The following DTNA variants were observed in gnomAD, a reference collection of about 807,000 sequenced individuals.
The protein encoded by DTNA is dystrophin-related protein 3.
A neutral mutation model predicts 100.7 loss-of-function variants in DTNA; 43 were observed. That is an observed-to-expected ratio of 0.43 (90% CI 0.33 to 0.55). The LOEUF (loss-of-function observed/expected upper bound fraction) is 0.55. DTNA is among the 20% of genes least tolerant of loss of function. DTNA has a pLI of 0.04. For missense variants in DTNA, 798 were observed against 953.9 expected (o/e 0.84, Z 2.15); for synonymous variants, 349 against 347.9 (o/e 1.00, Z -0.04).
chr18:34,613,185 C>A (rs1253848130), intron 1 of DTNA, among the ~76,000 whole-genome samples: 1 of 152,108 alleles, frequency 6.6e-6, no homozygotes. Flanking sequence ...TTTGGGGTGC[C>A]ATGAACTACA....
chr18:34,672,979 C>G (rs1324370001), intron 1 of DTNA, among the ~76,000 whole-genome samples: 2 of 152,162 alleles, frequency 1.3e-5, no homozygotes, highest in African/African-American at 4.8e-5. Flanking sequence ...CACACACACA[C>G]ACATACCCGC....
chr18:34,819,409 T>G (rs1459229903), intron 8 of DTNA, among the ~76,000 whole-genome samples: 1 of 152,224 alleles, frequency 6.6e-6, no homozygotes, highest in African/African-American at 2.4e-5. Flanking sequence ...ATGCAACTCC[T>G]CACTGTTGTT....
intron 1 of DTNA, among the ~76,000 whole-genome samples, chr18:34,636,108 A>G (rs1344203277): frequency 1.3e-5 from 2 of 152,234 alleles, no homozygotes; most frequent in African/African-American, 4.8e-5. Flanking sequence ...TTCATCACAC[A>G]AAATGTTAAA....
At chr18:34,527,244 TTAGAC>T (rs1450329002) in intron 1 of DTNA, among the ~76,000 whole-genome samples, 1 of 151,976 alleles carries the variant, frequency 6.6e-6, no homozygotes, top group Non-Finnish European at 1.5e-5. Context: ...GTAAAACAGA[TTAGAC>T]TAGAGCTCAA....
chr18:34,855,430 A>C (rs1043905809), intron 15 of DTNA, among the ~76,000 whole-genome samples: 1 of 152,256 alleles, frequency 6.6e-6, no homozygotes. Context: ...AAAGGAACCC[A>C]AAAAGGAGAT....
At chr18:34,532,587 T>C (rs561583034) in intron 1 of DTNA, among the ~76,000 whole-genome samples, 1 of 152,176 alleles carries the variant, frequency 6.6e-6, no homozygotes, top group Non-Finnish European at 1.5e-5. Context: ...GTTCTTATAC[T>C]CTTGTCCCTA....
intron 1 of DTNA, among the ~76,000 whole-genome samples, chr18:34,632,917 A>G (rs1027797392): frequency 2.0e-5 from 3 of 152,168 alleles, no homozygotes; most frequent in African/African-American, 7.2e-5. Flanking sequence ...CCAGATTATC[A>G]TTCATTTTTA....
At chr18:34,776,588 G>T (rs557248382) in intron 3 of DTNA, among the ~76,000 whole-genome samples, 18 of 152,250 alleles carry the variant, frequency 1.2e-4, no homozygotes, top group East Asian at 1.2e-3. Flanking sequence ...TGATCTGCCC[G>T]CCTCAGCCTC....
At chr18:34,821,376 A>G (rs1385065429) in intron 9 of DTNA, 17 of 448,968 alleles carry the variant, frequency 3.8e-5, no homozygotes, top group Admixed American at 3.6e-4. Flanking sequence ...CCCAAGCTGT[A>G]TAACTTTAGA....
At chr18:34,620,704 A>C (rs1314301976) in intron 1 of DTNA, among the ~76,000 whole-genome samples, 1 of 152,108 alleles carries the variant, frequency 6.6e-6, no homozygotes, top group East Asian at 1.9e-4. Flanking sequence ...GAGGTGCCCT[A>C]CACTTTTGAA....
Position 34,818,350 on chromosome 18 carries a change from A to C in DTNA, c.876+20A>C. On this transcript the variant is annotated intron_variant, in intron 8 of 22. Coordinates refer to ENST00000444659, the MANE Select transcript of DTNA (RefSeq NM_001386795.1). ...TCATGGGTAAGGCAAGGTCCAGGCA[A>C]TACTTGGAGTTGGATGTGTGAGTGT... The C allele has an allele frequency of 6.2e-7, 1 of 1,612,548 alleles. No individual in the cohort carries two copies. The highest frequency in any genetic ancestry group is 8.5e-7 in the Non-Finnish European group (1 of 1,179,138).
chr18:34,724,698 C>G (rs2046082), intron 1 of DTNA, among the ~76,000 whole-genome samples: 17,980 of 152,146 alleles, frequency 0.12, 1,586 homozygotes, highest in African/African-American at 0.24. Flanking sequence ...CCATTCATGA[C>G]AGATCTATCC....
In DTNA at chr18:34,878,974, T is replaced by C. The variant is rs535947844; in HGVS notation, c.1994-577T>C. Among the ~76,000 whole-genome samples, 3 of 152,306 alleles carry C rather than the reference T, an allele frequency of 2.0e-5. No individual in the cohort carries two copies. The East Asian group carries it at 5.8e-4, about 29-fold the overall frequency. ...TTGTTGCTGCTAATTTAGATTAAGA[T>C]TACCAAACGGAATAAAAAGATAGTA... On this transcript the variant is annotated intron_variant, in intron 19 of 22. Coordinates refer to ENST00000444659, the MANE Select transcript of DTNA (RefSeq NM_001386795.1).
chr18:34,606,189 G>A (rs751670820), intron 1 of DTNA, among the ~76,000 whole-genome samples: 1 of 151,976 alleles, frequency 6.6e-6, no homozygotes, highest in African/African-American at 2.4e-5. Flanking sequence ...TTTTGACAAC[G>A]GGAGGGCTCT....
At chr18:34,825,275 G>T in intron 9 of DTNA, 1 of 1,613,262 alleles carries the variant, frequency 6.2e-7, no homozygotes, top group Non-Finnish European at 8.5e-7. Context: ...AGTGATACTT[G>T]GTAAGTAGTG....
intron 1 of DTNA, among the ~76,000 whole-genome samples, chr18:34,585,140 G>A (rs1206157150): frequency 1.3e-5 from 2 of 151,968 alleles, no homozygotes; most frequent in Admixed American, 6.6e-5. Context: ...GGAGTCCATC[G>A]AGAAAGAAAA....
intron 14 of DTNA, among the ~76,000 whole-genome samples, chr18:34,850,691 G>C (rs1424230119): frequency 6.6e-6 from 1 of 152,220 alleles, no homozygotes; most frequent in African/African-American, 2.4e-5. Context: ...AATAAAAATT[G>C]GTGTGGAGGA....
At chr18:34,610,460 A>T (rs1247297182) in intron 1 of DTNA, among the ~76,000 whole-genome samples, 1 of 152,204 alleles carries the variant, frequency 6.6e-6, no homozygotes, top group African/African-American at 2.4e-5. Context: ...TGACTTCCGT[A>T]TGACTGAGCA....
intron 3 of DTNA, among the ~76,000 whole-genome samples, chr18:34,779,555 G>A (rs946477279): frequency 1.1e-4 from 17 of 152,040 alleles, no homozygotes; most frequent in Non-Finnish European, 2.2e-4. Flanking sequence ...TCTTTGCTCA[G>A]CATGGTCTGT....
Sources: allele counts gnomAD v4.1 joint callset (sites outside exome capture counted in the v4.1 genomes callset), GRCh38; gene constraint gnomAD v4.1.1; transcripts MANE v1.5; gene names NCBI Gene and HGNC (gene_info 2026-07-23, HGNC 2026-07-21).